ESR1: variants seen among roughly 807,000 people sequenced by gnomAD.
The protein encoded by ESR1 is estrogen receptor 1, also known as estrogen receptor.
ESR1 carries 12 observed loss-of-function variants against 52.7 expected under a neutral mutation model. The observed-to-expected ratio is 0.23, with a 90% confidence interval of 0.15 to 0.37. ESR1 has a LOEUF of 0.37. Ranked by LOEUF, ESR1 falls within the 10% of genes least tolerant of loss-of-function variation. ESR1 has a pLI of 1.00. For missense variants in ESR1, 584 were observed against 779.7 expected (o/e 0.75, Z 2.99); for synonymous variants, 305 against 316.8 (o/e 0.96, Z 0.39).
At chr6:151,684,907 G>A (rs1778596594) in intron 1 of ESR1, among the ~76,000 whole-genome samples, 1 of 152,150 alleles carries the variant, frequency 6.6e-6, no homozygotes, top group African/African-American at 2.4e-5. Flanking sequence ...CCTCAAGGCA[G>A]GCGCTTTCCA....
Position 151,692,282 on chromosome 6 carries a change from A to G in ESR1, c.-202+1618A>G, listed in dbSNP as rs140009987. Among the ~76,000 whole-genome samples the G allele has an allele frequency of 7.2e-3, 1,094 of 152,298 alleles. 9 individuals are homozygous for G. Among genetic ancestry groups the G allele is most frequent in the African/African-American group, 0.025 (1,047 of 41,550 alleles). The stretch of plus-strand genomic sequence containing the variant: ...CTCTAAACCTCCACACAGTGTAAGT[A>G]TTTACATCAGGCATCTGCTAAACAT... On this transcript the variant is annotated intron_variant, in intron 1 of 2. Coordinates refer to the ESR1 transcript ENST00000404742.
intron 2 of ESR1, among the ~76,000 whole-genome samples, chr6:151,735,918 A>G (rs764009397): frequency 5.0e-4 from 76 of 152,084 alleles, no homozygotes; most frequent in Non-Finnish European, 2.8e-4. Flanking sequence ...TGATGTTTTT[A>G]TAAGTGTTTG....
At chr6:151,808,671 C>T (rs1181965639) in intron 1 of ESR1, among the ~76,000 whole-genome samples, 1 of 152,150 alleles carries the variant, frequency 6.6e-6, no homozygotes, top group Admixed American at 6.5e-5. Flanking sequence ...GAAAACCAGA[C>T]AAAGCAGCAG....
At chr6:151,680,496 G>A (rs780110467) in intron 1 of ESR1, among the ~76,000 whole-genome samples, 12 of 152,218 alleles carry the variant, frequency 7.9e-5, no homozygotes, top group Admixed American at 5.9e-4. Context: ...CACCATGCCC[G>A]GCCAGATGGC....
chr6:151,957,443 G>T (rs1016840362), intron 4 of ESR1, among the ~76,000 whole-genome samples: 1 of 152,022 alleles, frequency 6.6e-6, no homozygotes, highest in Non-Finnish European at 1.5e-5. Flanking sequence ...CTTTTCACTT[G>T]TATTTTGTGA....
chr6:152,098,774 C>A lies in ESR1; in HGVS notation c.1596C>A (p.Asn532Lys), dbSNP rs748737072. 1 of 1,614,196 alleles carries A rather than the reference C, an allele frequency of 6.2e-7. No individual in the cohort carries two copies. Among genetic ancestry groups the A allele is most frequent in the Admixed American group, 1.7e-5 (1 of 60,026 alleles). The change falls in exon 8 of 8, where the codon AAC (asparagine) becomes AAA (lysine). Residue 532 changes from asparagine to lysine, a missense_variant. By Grantham distance (94) the Asn-to-Lys change is moderately conservative (BLOSUM62 0). This residue lies in a region of ESR1 where 141 missense variants were observed against 289.3 expected (regional missense o/e 0.49). Coordinates refer to ENST00000206249, the MANE Select transcript of ESR1 (RefSeq NM_000125.4). The surrounding 1 kb of genome is among the most constrained non-coding windows in gnomAD (Gnocchi z 5.1). ...MEHLYSMKCK[N>K]VVPLYDLLLE... The stretch of plus-strand genomic sequence containing the variant: ...ATCTGTACAGCATGAAGTGCAAGAA[C>A]GTGGTGCCCCTCTATGACCTGCTGC...
chr6:152,075,928 G>A (rs147347916), intron 6 of ESR1, among the ~76,000 whole-genome samples: 3 of 152,286 alleles, frequency 2.0e-5, no homozygotes, highest in African/African-American at 7.2e-5. Flanking sequence ...ATGAAGGGGT[G>A]TCATTTTCAT....
At chr6:152,041,569 T>G (rs1735452794) in intron 5 of ESR1, among the ~76,000 whole-genome samples, 1 of 152,204 alleles carries the variant, frequency 6.6e-6, no homozygotes, top group Admixed American at 6.5e-5. Context: ...TAAATTTTAG[T>G]CAATTTTATT....
intron 4 of ESR1, among the ~76,000 whole-genome samples, chr6:151,991,633 A>G (rs1199043460): frequency 6.6e-6 from 1 of 152,142 alleles, no homozygotes; most frequent in African/African-American, 2.4e-5. Context: ...TGATTTGGGG[A>G]AGATGATTCA....
At chr6:151,686,301 G>A (rs1368206176), upstream of ESR1, among the ~76,000 whole-genome samples, 1 of 152,084 alleles carries the variant, frequency 6.6e-6, no homozygotes. Context: ...TGTCATTGAG[G>A]ATGGGTCATA....
At chr6:151,768,704 T>C (rs929023034) in intron 2 of ESR1, among the ~76,000 whole-genome samples, 2 of 152,186 alleles carry the variant, frequency 1.3e-5, no homozygotes, top group Non-Finnish European at 2.9e-5. Context: ...GATGACAGGA[T>C]AATAAAGCAA....
At chr6:151,772,613 G>T (rs1440341261) in intron 2 of ESR1, among the ~76,000 whole-genome samples, 1 of 152,168 alleles carries the variant, frequency 6.6e-6, no homozygotes, top group Non-Finnish European at 1.5e-5. Flanking sequence ...GTGCAGTGAG[G>T]CCAGATAGAA....
At chr6:151,792,884 T>G (rs1776312161) in intron 2 of ESR1, among the ~76,000 whole-genome samples, 1 of 152,214 alleles carries the variant, frequency 6.6e-6, no homozygotes, top group African/African-American at 2.4e-5. Flanking sequence ...TTTAAAAATG[T>G]TTTAGTCTGA....
At chr6:151,922,997 G>A (rs1034133601) in intron 3 of ESR1, among the ~76,000 whole-genome samples, 1 of 152,040 alleles carries the variant, frequency 6.6e-6, no homozygotes, top group Non-Finnish European at 1.5e-5. Flanking sequence ...GAGAAACCTG[G>A]CTCCTACCAT....
intron 1 of ESR1, among the ~76,000 whole-genome samples, chr6:151,837,655 T>A (rs1354079722): frequency 6.6e-6 from 1 of 152,216 alleles, no homozygotes; most frequent in Non-Finnish European, 1.5e-5. Flanking sequence ...TCAGCTCTAT[T>A]TCTTTCCAGA....
chr6:151,795,419 CAGAGGTTGCA>C (rs1329192953), intron 2 of ESR1, among the ~76,000 whole-genome samples: 1 of 146,886 alleles, frequency 6.8e-6, no homozygotes, highest in East Asian at 2.0e-4. Context: ...CCCTGTGAGG[CAGAGGTTGCA>C]GTGAGCTGAA....
intron 5 of ESR1, among the ~76,000 whole-genome samples, chr6:152,029,272 C>T (rs1032010097): frequency 7.2e-5 from 11 of 152,096 alleles, no homozygotes; most frequent in African/African-American, 1.7e-4. Flanking sequence ...TCACCAGCAA[C>T]GGAACAAAGC....
intron 2 of ESR1, among the ~76,000 whole-genome samples, chr6:151,720,230 T>C (rs1781361771): frequency 6.6e-6 from 1 of 152,200 alleles, no homozygotes; most frequent in South Asian, 2.1e-4. Flanking sequence ...ATTCAAACTG[T>C]GCAATCTGCC....
At chr6:152,003,707 G>A (rs1584761108) in intron 4 of ESR1, among the ~76,000 whole-genome samples, 1 of 151,802 alleles carries the variant, frequency 6.6e-6, no homozygotes, top group South Asian at 2.1e-4. Flanking sequence ...GCTTACAGGA[G>A]GGATACAGCT....
Sources: gnomAD v4.1 joint callset for allele counts (sites outside exome capture counted in the v4.1 genomes callset) on GRCh38, gnomAD v4.1.1 for gene constraint, gnomAD v4.1.1 regional missense constraint, Gnocchi (gnomAD v3.1) non-coding constraint, MANE v1.5 for transcripts, NCBI Gene and HGNC (gene_info 2026-07-23, HGNC 2026-07-21) for gene names.